GPM6A: variants seen among roughly 807,000 people sequenced by gnomAD.
GPM6A encodes the protein glycoprotein M6A, also known as neuronal membrane glycoprotein M6-a.
A neutral mutation model predicts 32.1 loss-of-function variants in GPM6A; 7 were observed. That is an observed-to-expected ratio of 0.22 (90% CI 0.12 to 0.41). The LOEUF is 0.41. Ranked by LOEUF, GPM6A falls within the 10% of genes least tolerant of loss-of-function variation. GPM6A has a pLI of 1.00. For synonymous variants in GPM6A, 130 were observed against 123.4 expected (o/e 1.05, Z -0.35); for missense variants, 235 against 347.2 (o/e 0.68, Z 2.57).
In GPM6A at chr4:175,751,540, C is replaced by T. The variant is rs536389625; in HGVS notation, c.38-49773G>A. 1.5e-4 allele frequency among the ~76,000 whole-genome samples: 23 copies of T among 152,154 alleles called. No homozygotes were observed. In the South Asian group the frequency reaches 4.6e-3, roughly 30 times the overall value. On this transcript the variant is annotated intron_variant, in intron 1 of 6. Coordinates refer to ENST00000393658, the MANE Select transcript of GPM6A (RefSeq NM_201591.3). Reference sequence around the variant, plus strand: ...TTAGACTCCACAGGGTTAAATGATGCTATCTATAATAAGAACACCTGTATT... The same window carrying T: ...TTAGACTCCACAGGGTTAAATGATGTTATCTATAATAAGAACACCTGTATT...
intron 1 of GPM6A, among the ~76,000 whole-genome samples, chr4:175,785,414 A>G (rs566025428): frequency 2.0e-5 from 3 of 152,308 alleles, no homozygotes; most frequent in African/African-American, 7.2e-5. Context: ...GAAAAATAAT[A>G]AATTAATGTC....
chr4:175,915,728 T>C (rs1256776258), intron 1 of GPM6A, among the ~76,000 whole-genome samples: 1 of 152,092 alleles, frequency 6.6e-6, no homozygotes. Flanking sequence ...TTCATCCACC[T>C]CACTGGCAAT....
chr4:175,881,430 G>A (rs1357161582), intron 1 of GPM6A, among the ~76,000 whole-genome samples: 1 of 152,222 alleles, frequency 6.6e-6, no homozygotes, highest in Non-Finnish European at 1.5e-5. Context: ...GTGGAAGACA[G>A]TGTAGCAATT....
chr4:176,001,782 C>T (rs1046928979), intron 1 of GPM6A, among the ~76,000 whole-genome samples: 3 of 152,172 alleles, frequency 2.0e-5, no homozygotes, highest in African/African-American at 7.2e-5. Flanking sequence ...CCAGTCTGGC[C>T]CTGCACCAGC....
chr4:175,921,277 A>T (rs1431631420), intron 1 of GPM6A, among the ~76,000 whole-genome samples: 1 of 152,186 alleles, frequency 6.6e-6, no homozygotes, highest in Non-Finnish European at 1.5e-5. Flanking sequence ...TCAATTATCT[A>T]ATCTCAAAAA....
Position 175,994,150 on chromosome 4 carries a change from G to A in GPM6A, c.-23+8159C>T, listed in dbSNP as rs544249423. 2.0e-5 allele frequency among the ~76,000 whole-genome samples: 3 copies of A among 152,138 alleles called. 1 individual carries two copies. The highest frequency in any genetic ancestry group is 2.0e-4 in the Admixed American group (3 of 15,272). On this transcript the variant is annotated intron_variant, in intron 1 of 7. Coordinates refer to the GPM6A transcript ENST00000280187. ...TAAATACAAATGACACTGAAGCTAT[G>A]AGACAGGAGGTTATTAGTAACTTTC...
In GPM6A at chr4:175,740,993, C is replaced by T. The variant is rs561145273; in HGVS notation, c.38-39226G>A. On this transcript the variant is annotated intron_variant, in intron 1 of 6. Coordinates refer to ENST00000393658, the MANE Select transcript of GPM6A (RefSeq NM_201591.3). The stretch of plus-strand genomic sequence containing the variant: ...TGCATCCCTTTTCTCTGTAATCATA[C>T]CCATTATCATGATTTTGAAAATTAC... Among the ~76,000 whole-genome samples the T allele has an allele frequency of 1.2e-4, 18 of 152,114 alleles. No homozygotes were observed. In the South Asian group the frequency reaches 3.5e-3, roughly 30 times the overall value.
chr4:175,869,150 C>G (rs1736827796), intron 1 of GPM6A, among the ~76,000 whole-genome samples: 2 of 152,284 alleles, frequency 1.3e-5, no homozygotes, highest in Admixed American at 1.3e-4. Context: ...AAGCTACTCT[C>G]AATTTGTCAA....
At chr4:175,689,678 C>A (rs1240567105) in intron 2 of GPM6A, among the ~76,000 whole-genome samples, 2 of 152,190 alleles carry the variant, frequency 1.3e-5, no homozygotes, top group Non-Finnish European at 1.5e-5. Flanking sequence ...TCTGGATATT[C>A]TATCCATTCT....
Position 175,689,786 on chromosome 4 carries a change from C to T in GPM6A, c.230+11789G>A, listed in dbSNP as rs147878411. Among the ~76,000 whole-genome samples the T allele has an allele frequency of 4.2e-3, 636 of 152,310 alleles. 18 individuals are homozygous for T. Among genetic ancestry groups the T allele is most frequent in the Admixed American group, 0.036 (547 of 15,300 alleles). ...TTGCAGAACAATGTTTGTGAGGCTTCTCCCAATTTCACTGAGATGTTCTCA... is the reference window on the plus strand; with the variant it reads ...TTGCAGAACAATGTTTGTGAGGCTTTTCCCAATTTCACTGAGATGTTCTCA... On this transcript the variant is annotated intron_variant, in intron 2 of 6. Coordinates refer to ENST00000393658, the MANE Select transcript of GPM6A (RefSeq NM_201591.3).
At chr4:175,717,365 T>C (rs901873884) in intron 1 of GPM6A, among the ~76,000 whole-genome samples, 5 of 152,206 alleles carry the variant, frequency 3.3e-5, no homozygotes, top group African/African-American at 9.6e-5. Context: ...CTGGTATTCA[T>C]TGGTGGTCAT....
chr4:175,942,534 A>G (rs569330264), intron 1 of GPM6A, among the ~76,000 whole-genome samples: 2 of 152,270 alleles, frequency 1.3e-5, no homozygotes, highest in South Asian at 4.1e-4. Context: ...TCTTTAATCC[A>G]TCTTCAGTTA....
At chr4:175,722,434 T>C (rs950075182) in intron 1 of GPM6A, among the ~76,000 whole-genome samples, 4 of 152,168 alleles carry the variant, frequency 2.6e-5, no homozygotes, top group Non-Finnish European at 5.9e-5. Context: ...TGGAATGCCA[T>C]GCTGAAACTC....
At chr4:175,704,312 C>G (rs955658942) in intron 1 of GPM6A, among the ~76,000 whole-genome samples, 12 of 150,818 alleles carry the variant, frequency 8.0e-5, no homozygotes, top group African/African-American at 2.7e-4. Flanking sequence ...ACACATCTCT[C>G]TCTTTCTCTC....
At chr4:175,637,316 T>TATATTATATATTATATATTATATA in intron 6 of GPM6A, among the ~76,000 whole-genome samples, 1 of 69,240 alleles carries the variant, frequency 1.4e-5, no homozygotes, top group African/African-American at 5.6e-5. Context: ...ATATATAATA[T>TATATTATATATTATATATTATATA]AAAATATATA....
chr4:175,652,258 T>G (rs1171777947), intron 3 of GPM6A, among the ~76,000 whole-genome samples: 1 of 152,186 alleles, frequency 6.6e-6, no homozygotes, highest in African/African-American at 2.4e-5. Flanking sequence ...TCTTCATCCA[T>G]GTATTTAACT....
intron 4 of GPM6A, among the ~76,000 whole-genome samples, chr4:175,645,109 A>G (rs1741381862): frequency 6.6e-6 from 1 of 152,068 alleles, no homozygotes; most frequent in Non-Finnish European, 1.5e-5. Flanking sequence ...AAAATAATAA[A>G]AATAATAAGC....
At chr4:175,712,981 C>T (rs1195994474) in intron 1 of GPM6A, among the ~76,000 whole-genome samples, 1 of 152,156 alleles carries the variant, frequency 6.6e-6, no homozygotes, top group Admixed American at 6.5e-5. Flanking sequence ...CAGTGCTCAT[C>T]AGCACATCAG....
At chr4:175,957,735 T>C (rs1274243769) in intron 1 of GPM6A, among the ~76,000 whole-genome samples, 1 of 152,182 alleles carries the variant, frequency 6.6e-6, no homozygotes, top group Admixed American at 6.5e-5. Context: ...CAATAGTAGG[T>C]TCTCATAAAA....
Sources: allele counts gnomAD v4.1 joint callset (sites outside exome capture counted in the v4.1 genomes callset), GRCh38; gene constraint gnomAD v4.1.1; transcripts MANE v1.5; gene names NCBI Gene and HGNC (gene_info 2026-07-23, HGNC 2026-07-21).